Variants in PTPRD observed in about 807,000 individuals in gnomAD.
PTPRD encodes the protein protein tyrosine phosphatase receptor type D, also known as receptor-type tyrosine-protein phosphatase delta.
Under a neutral mutation model 214.5 loss-of-function variants are expected in PTPRD, and 34 were observed. The observed-to-expected ratio is 0.16, with a 90% CI of 0.12 to 0.21. The LOEUF is 0.21. Ranked by LOEUF, PTPRD falls within the 10% of genes least tolerant of loss-of-function variation. The pLI is 1.00. For missense variants in PTPRD, 2,545 were observed against 2,398.7 expected, an observed-to-expected ratio of 1.06 and a Z score of -1.27; for synonymous variants, 1,128 against 845.7, an observed-to-expected ratio of 1.33 and a Z score of -5.79.
At chr9:8,815,075 A>G (rs1436250602) in intron 11 of PTPRD, among the ~76,000 whole-genome samples, 2 of 151,518 alleles carry the variant, frequency 1.3e-5, no homozygotes, top group Admixed American at 1.3e-4. Flanking sequence ...GTCATATCTC[A>G]CATTTAAAGG....
Position 9,776,913 on chromosome 9 carries a change from A to G in PTPRD, c.-367-10062T>C, listed in dbSNP as rs151138661. ...TACACACACATTTTCCAGTCAGTACATACTTTCTCCTGTCCTCTGGGTTGA... is the reference window on the plus strand; with the variant it reads ...TACACACACATTTTCCAGTCAGTACGTACTTTCTCCTGTCCTCTGGGTTGA... On this transcript the variant is annotated intron_variant, in intron 5 of 45. Transcript: ENST00000381196. 2.4e-3 allele frequency among the ~76,000 whole-genome samples: 366 copies of G among 152,320 alleles called. 1 individual carries two copies. The highest frequency in any genetic ancestry group is 8.3e-3 in the African/African-American group (347 of 41,572).
At chr9:8,359,563 G>C (rs1039234543) in intron 39 of PTPRD, among the ~76,000 whole-genome samples, 1 of 152,014 alleles carries the variant, frequency 6.6e-6, no homozygotes, top group African/African-American at 2.4e-5. Flanking sequence ...GGAATTCCTG[G>C]TCTCAAGTAC....
At chr9:10,583,514 C>T (rs1050004419) in intron 2 of PTPRD, among the ~76,000 whole-genome samples, 3 of 151,496 alleles carry the variant, frequency 2.0e-5, no homozygotes, top group Non-Finnish European at 2.9e-5. Flanking sequence ...TGCCGTGGCG[C>T]GATCTGGGCT....
At chr9:9,016,061 G>C (rs921600563) in intron 11 of PTPRD, among the ~76,000 whole-genome samples, 5 of 152,060 alleles carry the variant, frequency 3.3e-5, no homozygotes, top group African/African-American at 4.8e-5. Context: ...AGAGTTGTAG[G>C]ATTAAAAAAC....
At chr9:10,255,358 T>A (rs2093170125) in intron 3 of PTPRD, among the ~76,000 whole-genome samples, 1 of 152,210 alleles carries the variant, frequency 6.6e-6, no homozygotes, top group African/African-American at 2.4e-5. Context: ...GTATAGCATG[T>A]TAATACTGAA....
chr9:9,931,595 G>C (rs1380683581), intron 5 of PTPRD, among the ~76,000 whole-genome samples: 1 of 152,022 alleles, frequency 6.6e-6, no homozygotes, highest in Admixed American at 6.6e-5. Context: ...GAGTCTCGCT[G>C]ATTGCTAGCA....
At chr9:9,768,080 C>T (rs939731745) in intron 5 of PTPRD, among the ~76,000 whole-genome samples, 1 of 152,128 alleles carries the variant, frequency 6.6e-6, no homozygotes, top group African/African-American at 2.4e-5. Context: ...TACATTTATG[C>T]TTGTGGTTTT....
chr9:9,983,531 G>C (rs2095612167), intron 4 of PTPRD, among the ~76,000 whole-genome samples: 1 of 152,154 alleles, frequency 6.6e-6, no homozygotes, highest in Admixed American at 6.5e-5. Flanking sequence ...CTTAGTACCA[G>C]CTACACCGTA....
chr9:8,648,390 T>C (rs577037807), intron 12 of PTPRD, among the ~76,000 whole-genome samples: 117 of 152,346 alleles, frequency 7.7e-4, no homozygotes, highest in African/African-American at 2.4e-3. Flanking sequence ...ACACTCAAAA[T>C]AACCACTGGT....
At chr9:8,339,715 G>A (rs901894997) in intron 42 of PTPRD, among the ~76,000 whole-genome samples, 9 of 151,788 alleles carry the variant, frequency 5.9e-5, no homozygotes, top group Admixed American at 2.6e-4. Flanking sequence ...AAGCAAATAC[G>A]AAATAATGCT....
At chr9:9,562,609 T>C (rs1357718957) in intron 8 of PTPRD, among the ~76,000 whole-genome samples, 2 of 152,134 alleles carry the variant, frequency 1.3e-5, no homozygotes, top group Non-Finnish European at 2.9e-5. Context: ...CTCTTTGCTA[T>C]TTTTCAAGCC....
chr9:9,669,948 T>C (rs921623556), intron 7 of PTPRD, among the ~76,000 whole-genome samples: 2 of 152,212 alleles, frequency 1.3e-5, no homozygotes, highest in African/African-American at 4.8e-5. Flanking sequence ...CATATCCCTT[T>C]ACAAATGTTC....
At chr9:8,974,597 G>A (rs781076399) in intron 11 of PTPRD, among the ~76,000 whole-genome samples, 1 of 151,898 alleles carries the variant, frequency 6.6e-6, no homozygotes. Context: ...TAGAGGAATG[G>A]CCATTTCCCT....
At chr9:10,507,205 A>G (rs985304081) in intron 2 of PTPRD, among the ~76,000 whole-genome samples, 3 of 152,154 alleles carry the variant, frequency 2.0e-5, no homozygotes, top group African/African-American at 7.2e-5. Context: ...CGATTGCTTC[A>G]AAGAGAATAA....
intron 11 of PTPRD, among the ~76,000 whole-genome samples, chr9:8,945,647 T>G (rs2099059588): frequency 6.6e-6 from 1 of 152,094 alleles, no homozygotes; most frequent in Non-Finnish European, 1.5e-5. Context: ...AAGGCCTCTC[T>G]CAGTTTACCT....
intron 12 of PTPRD, among the ~76,000 whole-genome samples, chr9:8,703,477 G>T (rs773336212): frequency 1.9e-4 from 29 of 152,152 alleles, no homozygotes; most frequent in Non-Finnish European, 3.7e-4. Flanking sequence ...AAGTCCAATG[G>T]ACATGTTCAG....
intron 27 of PTPRD, among the ~76,000 whole-genome samples, chr9:8,487,463 C>T (rs1310739642): frequency 6.6e-6 from 1 of 152,028 alleles, no homozygotes; most frequent in East Asian, 1.9e-4. Flanking sequence ...AGTATGGTGG[C>T]TCATGTCTAT....
intron 3 of PTPRD, among the ~76,000 whole-genome samples, chr9:10,178,615 T>C (rs2099263278): frequency 6.6e-6 from 1 of 151,982 alleles, no homozygotes; most frequent in South Asian, 2.1e-4. Context: ...GAAGATCAAA[T>C]TGCTGGCCTC....
intron 11 of PTPRD, among the ~76,000 whole-genome samples, chr9:8,919,997 A>G (rs571527967): frequency 9.1e-4 from 134 of 146,928 alleles, no homozygotes; most frequent in African/African-American, 3.1e-3. Context: ...AATCAGGAGT[A>G]TATATATATA....
Sources: allele counts gnomAD v4.1 joint callset (sites outside exome capture counted in the v4.1 genomes callset), GRCh38; gene constraint gnomAD v4.1.1; transcripts MANE v1.5; gene names NCBI Gene and HGNC (gene_info 2026-07-23, HGNC 2026-07-21).